GNE: variants seen among roughly 807,000 people sequenced by gnomAD.
GNE encodes the protein glucosamine (UDP-N-acetyl)-2-epimerase/N-acetylmannosamine kinase, also known as bifunctional UDP-N-acetylglucosamine 2-epimerase/N-acetylmannosamine kinase.
Under a neutral mutation model 61.8 loss-of-function variants are expected in GNE, and 41 were observed. The observed-to-expected ratio is 0.66, with a 90% CI of 0.52 to 0.86. The LOEUF (loss-of-function observed/expected upper bound fraction) is 0.86. Ranked by LOEUF, GNE falls within the 40% of genes least tolerant of loss-of-function variation. The pLI is 0.00. For synonymous variants in GNE, 264 were observed against 326.4 expected (o/e 0.81, Z 2.06); for missense variants, 608 against 909.1 (o/e 0.67, Z 4.26).
chr9:36,254,670 G>C (rs553333629), intron 1 of GNE, among the ~76,000 whole-genome samples: 19 of 152,168 alleles, frequency 1.2e-4, no homozygotes, highest in African/African-American at 4.1e-4. Context: ...ATTGAGTTTC[G>C]GCCGGGCGCA....
At chr9:36,221,335 A>C (rs946548125) in intron 9 of GNE, among the ~76,000 whole-genome samples, 3 of 152,158 alleles carry the variant, frequency 2.0e-5, no homozygotes, top group African/African-American at 7.2e-5. Flanking sequence ...AAATAAGTAC[A>C]TGAGCTTAAA....
chr9:36,241,552 T>G (rs1829630304), intron 3 of GNE, among the ~76,000 whole-genome samples: 1 of 152,226 alleles, frequency 6.6e-6, no homozygotes, highest in Non-Finnish European at 1.5e-5. Context: ...AGTTTGCACC[T>G]GCTTCTCCAC....
Position 36,246,132 on chromosome 9 carries a change from C to T in GNE, c.515G>A (p.Cys172Tyr), listed in dbSNP as rs759285863. 2.5e-6 allele frequency: 4 copies of T among 1,614,080 alleles called. No homozygotes were observed. The highest frequency in any genetic ancestry group is 1.1e-5 in the South Asian group (1 of 91,096). ...RSAEQHLISM[C>Y]EDHDRILLAG... ...CAAAAGGATGCGATCATGGTCCTCA[C>T]ACATGGATATCAGGTGCTGCTCTGC... The change falls in exon 3 of 12, where the codon TGT (cysteine) becomes TAT (tyrosine). Residue 172 changes from cysteine (C) to tyrosine (Y), a missense_variant. By Grantham distance (194) the Cys-to-Tyr change is radical. Coordinates refer to ENST00000642385, the MANE Select transcript of GNE (RefSeq NM_005476.7).
At chr9:36,258,099 C>T (rs1238504855) in intron 1 of GNE, among the ~76,000 whole-genome samples, 1 of 152,208 alleles carries the variant, frequency 6.6e-6, no homozygotes, top group East Asian at 1.9e-4. Context: ...TCATCAGGGC[C>T]CACCCCGAGC....
intron 5 of GNE, among the ~76,000 whole-genome samples, chr9:36,232,195 C>T (rs1829185927): frequency 6.6e-6 from 1 of 152,098 alleles, no homozygotes; most frequent in Admixed American, 6.6e-5. Context: ...CCTCCGCATC[C>T]AAGCATCAGC....
chr9:36,235,431 G>A (rs1410954966), intron 4 of GNE, among the ~76,000 whole-genome samples: 1 of 152,164 alleles, frequency 6.6e-6, no homozygotes, highest in Non-Finnish European at 1.5e-5. Flanking sequence ...CAAAAACCCT[G>A]TGGAGGGTAG....
chr9:36,220,197 G>A (rs1262792595), intron 9 of GNE, among the ~76,000 whole-genome samples, 177 bp from the exon 10 acceptor site: 1 of 152,224 alleles, frequency 6.6e-6, no homozygotes, highest in Non-Finnish European at 1.5e-5. Context: ...GGATGGAAAT[G>A]TTTTTAGCAG....
chr9:36,245,093 C>A (rs1291702260), intron 3 of GNE, among the ~76,000 whole-genome samples: 1 of 151,132 alleles, frequency 6.6e-6, no homozygotes, highest in African/African-American at 2.4e-5. Context: ...GCCTGGCCAA[C>A]ATGGAAAAAC....
At position 36,219,720 on chromosome 9, in the gene GNE, C is replaced by T; in HGVS notation, c.1816+118G>A. On this transcript the variant is annotated intron_variant, in intron 10 of 11. Transcript: ENST00000642385. ...TAGTGCGAGGGAGCCCTGCTCTTTC[C>T]CTAAGAAGTGAAAAGGGGGAAACTT... is the stretch of plus-strand genomic sequence containing the variant. 4 of 917,380 alleles carry T rather than the reference C, an allele frequency of 4.4e-6. No individual in the cohort carries two copies. In the South Asian group the frequency reaches 5.5e-5, roughly 13 times the overall value. 56.8% of individuals were successfully genotyped at this position (917,380 alleles called of 1,614,324 possible).
chr9:36,243,578 C>T (rs1418220652), intron 3 of GNE, among the ~76,000 whole-genome samples: 1 of 152,156 alleles, frequency 6.6e-6, no homozygotes, highest in African/African-American at 2.4e-5. Context: ...TGCGGTGGCT[C>T]ATGCCTATAA....
At chr9:36,258,222 G>T in intron 1 of GNE, 99 bp downstream of exon 1, 1 of 654,592 alleles carries the variant, frequency 1.5e-6, no homozygotes, top group Non-Finnish European at 1.9e-6. Flanking sequence ...GGTGGAAAGC[G>T]GCCGGGGAGG....
chr9:36,222,664 C>G lies in GNE; in HGVS notation c.1633+113G>C, dbSNP rs1014710226. 4.9e-6 allele frequency: 4 copies of G among 823,300 alleles called. No individual in the cohort carries two copies. In the Admixed American group the frequency reaches 6.8e-5, roughly 14 times the overall value. The allele number at this position is 823,300 out of a possible 1,614,324, so 51.0% of individuals were successfully genotyped here. ...GCCACATGTGGCTCACCTTCAGGCTCTAGTCATGCAGGAAGTGAAGGCTAA... is the reference window on the plus strand; with the variant it reads ...GCCACATGTGGCTCACCTTCAGGCTGTAGTCATGCAGGAAGTGAAGGCTAA... On this transcript the variant is annotated intron_variant, in intron 9 of 11. Coordinates refer to ENST00000642385, the MANE Select transcript of GNE (RefSeq NM_005476.7).
intron 1 of GNE, among the ~76,000 whole-genome samples, chr9:36,251,726 A>G (rs775777268): frequency 1.2e-4 from 19 of 152,164 alleles, no homozygotes; most frequent in East Asian, 3.9e-4. Flanking sequence ...AAGGATTCCA[A>G]TTCTAGGGGT....
intron 3 of GNE, among the ~76,000 whole-genome samples, chr9:36,244,813 G>A (rs545132661): frequency 1.2e-4 from 18 of 151,508 alleles, no homozygotes; most frequent in South Asian, 6.2e-4. Flanking sequence ...GGTGGTGTGC[G>A]CCTGTAACCC....
At chr9:36,257,448 ACCCC>A (rs1830402354) in intron 1 of GNE, among the ~76,000 whole-genome samples, 2 of 151,640 alleles carry the variant, frequency 1.3e-5, no homozygotes, top group Non-Finnish European at 2.9e-5. Flanking sequence ...ACTGTACCCC[ACCCC>A]TCCTACCAGA....
intron 1 of GNE, among the ~76,000 whole-genome samples, chr9:36,275,745 A>G (rs1182799237): frequency 6.6e-6 from 1 of 152,218 alleles, no homozygotes; most frequent in African/African-American, 2.4e-5. Context: ...TTGAATTTCA[A>G]TTTAAGTGTG....
At chr9:36,219,816 T>C (rs1348627809) in intron 10 of GNE, 22 bp downstream of exon 10, 1 of 1,606,916 alleles carries the variant, frequency 6.2e-7, no homozygotes, top group Non-Finnish European at 8.5e-7. Flanking sequence ...GTTACTTAAT[T>C]CCTCGAGAGA....
At chr9:36,219,078 C>G (rs376068925) in intron 10 of GNE, among the ~76,000 whole-genome samples, 13 of 152,096 alleles carry the variant, frequency 8.5e-5, no homozygotes, top group East Asian at 3.8e-4. Context: ...CTGGTGGTCT[C>G]CTGTCTCCCC....
intron 1 of GNE, among the ~76,000 whole-genome samples, chr9:36,251,845 A>T (rs1362621263): frequency 6.6e-6 from 1 of 152,116 alleles, no homozygotes; most frequent in Non-Finnish European, 1.5e-5. Context: ...GTGACCATGC[A>T]AACGGTCCCA....
Sources: allele counts gnomAD v4.1 joint callset (sites outside exome capture counted in the v4.1 genomes callset), GRCh38; gene constraint gnomAD v4.1.1; transcripts MANE v1.5; gene names NCBI Gene and HGNC (gene_info 2026-07-23, HGNC 2026-07-21).